The following TTC29 variants were observed in gnomAD, a reference collection of about 807,000 sequenced individuals.
TTC29 encodes the protein tetratricopeptide repeat domain 29, also known as tetratricopeptide repeat protein 29.
In TTC29, 49 loss-of-function variants were observed where a neutral mutation model predicts 58.1. The observed-to-expected ratio is 0.84, with a 90% confidence interval of 0.67 to 1.07. The LOEUF (loss-of-function observed/expected upper bound fraction) is 1.07. Among genes scored for constraint, TTC29 ranks in the 50% least tolerant of loss-of-function variants. The probability of loss-of-function intolerance (pLI) is 0.00; values close to 1 mark genes in which losing one functional copy is unlikely to be tolerated. For synonymous variants in TTC29, 209 were observed against 196.8 expected, an observed-to-expected ratio of 1.06 and a Z score of -0.52; for missense variants, 582 against 555.6, an observed-to-expected ratio of 1.05 and a Z score of -0.48.
intron 11 of TTC29, among the ~76,000 whole-genome samples, chr4:146,710,418 A>T (rs1742398193): frequency 2.0e-5 from 3 of 152,172 alleles, no homozygotes; most frequent in Admixed American, 6.6e-5. Context: ...CTCCATTATA[A>T]ACTTTTAGTA....
At chr4:146,758,085 T>C (rs1307059320) in intron 11 of TTC29, among the ~76,000 whole-genome samples, 1 of 152,168 alleles carries the variant, frequency 6.6e-6, no homozygotes, top group Non-Finnish European at 1.5e-5. Flanking sequence ...AACTATTTGC[T>C]GCCTTCAGGA....
At chr4:146,943,332 GC>G (rs1230420411) in intron 2 of TTC29, among the ~76,000 whole-genome samples, 2 of 151,916 alleles carry the variant, frequency 1.3e-5, no homozygotes, top group African/African-American at 4.8e-5. Context: ...AGTACTGCAA[GC>G]CCTGCTGGCA....
intron 10 of TTC29, among the ~76,000 whole-genome samples, chr4:146,811,750 G>A (rs899430315): frequency 3.3e-5 from 5 of 152,214 alleles, no homozygotes; most frequent in South Asian, 2.1e-4. Context: ...CTCCAAGATC[G>A]GTCAAACTGA....
intron 11 of TTC29, among the ~76,000 whole-genome samples, chr4:146,776,440 GT>G (rs79215075): frequency 0.035 from 4,926 of 142,586 alleles, 124 homozygotes; most frequent in Admixed American, 0.087. Flanking sequence ...TCCTTTGGAT[GT>G]TTTTTTTTTT....
chr4:146,843,782 G>A (rs1299699838), intron 8 of TTC29, among the ~76,000 whole-genome samples: 1 of 152,134 alleles, frequency 6.6e-6, no homozygotes, highest in Non-Finnish European at 1.5e-5. Context: ...CAAAATTCCT[G>A]ATCAATTTAC....
intron 11 of TTC29, among the ~76,000 whole-genome samples, chr4:146,761,683 T>C (rs1746914412): frequency 6.6e-6 from 1 of 151,246 alleles, no homozygotes; most frequent in African/African-American, 2.4e-5. Context: ...TTTTTTTTTT[T>C]TTTGTAGACT....
chr4:146,857,068 T>C (rs115757811), intron 8 of TTC29, among the ~76,000 whole-genome samples: 8,934 of 129,484 alleles, frequency 0.069, 888 homozygotes, highest in African/African-American at 0.24. Context: ...TTTTATACTA[T>C]GCCTTAAGAT....
chr4:146,731,771 T>C (rs1744352444), intron 11 of TTC29, among the ~76,000 whole-genome samples: 1 of 152,164 alleles, frequency 6.6e-6, no homozygotes, highest in African/African-American at 2.4e-5. Flanking sequence ...AAGGAATCCA[T>C]TTGTGCCAAA....
Position 146,786,218 on chromosome 4 carries a change from T to C in TTC29, c.1330+17239A>G, listed in dbSNP as rs17021949. 8.4e-3 allele frequency among the ~76,000 whole-genome samples: 1,279 copies of C among 152,306 alleles called. 12 individuals are homozygous for C. The highest frequency in any genetic ancestry group is 0.03 in the African/African-American group (1,230 of 41,564). ...GTCTTTCTCTTCCTCCAGGGCACCA[T>C]CTTTAGAGGTCGCCTTACCTTGCAG... is the stretch of plus-strand genomic sequence containing the variant. On this transcript the variant is annotated intron_variant, in intron 11 of 12. Transcript: ENST00000325106.
At chr4:146,881,926 A>G (rs182850546) in intron 6 of TTC29, among the ~76,000 whole-genome samples, 151 of 152,248 alleles carry the variant, frequency 9.9e-4, no homozygotes, top group African/African-American at 3.5e-3. Flanking sequence ...GATGAAATAT[A>G]AGATGCTAGT....
At chr4:146,843,337 C>T (rs998997681) in intron 8 of TTC29, among the ~76,000 whole-genome samples, 1 of 152,174 alleles carries the variant, frequency 6.6e-6, no homozygotes, top group Non-Finnish European at 1.5e-5. Flanking sequence ...AAAGTGGTTA[C>T]ATCTTTTGCA....
intron 6 of TTC29, among the ~76,000 whole-genome samples, chr4:146,894,927 T>C (rs1243341212): frequency 6.6e-6 from 1 of 152,158 alleles, no homozygotes; most frequent in African/African-American, 2.4e-5. Context: ...TGGTTTACTG[T>C]ACAGATCATC....
chr4:146,708,330 A>ACATGTATGTGTGTGTG (rs1209174993), intron 11 of TTC29, among the ~76,000 whole-genome samples: 1 of 64,026 alleles, frequency 1.6e-5, no homozygotes, highest in African/African-American at 4.5e-5. Context: ...ATATATATAT[A>ACATGTATGTGTGTGTG]TATATATATA....
At chr4:146,707,588 G>C (rs543637997) in intron 11 of TTC29, 37 bp from the exon 12 acceptor site, 1 of 1,423,020 alleles carries the variant, frequency 7.0e-7, no homozygotes, top group South Asian at 1.2e-5. Flanking sequence ...AGATTATCAT[G>C]AACACAGTTT....
At chr4:146,860,740 C>A (rs1730175846) in intron 8 of TTC29, among the ~76,000 whole-genome samples, 1 of 152,106 alleles carries the variant, frequency 6.6e-6, no homozygotes, top group Admixed American at 6.6e-5. Flanking sequence ...TTGACCACCA[C>A]CAACAAACCG....
intron 11 of TTC29, among the ~76,000 whole-genome samples, chr4:146,755,303 A>C (rs1424693583): frequency 1.3e-5 from 2 of 152,206 alleles, no homozygotes; most frequent in East Asian, 3.8e-4. Flanking sequence ...CTATCTAAGC[A>C]ATATAAAGTT....
At chr4:146,868,600 A>G (rs1165819137) in intron 7 of TTC29, among the ~76,000 whole-genome samples, 2 of 152,146 alleles carry the variant, frequency 1.3e-5, no homozygotes, top group Non-Finnish European at 2.9e-5. Context: ...CAAAATGCGT[A>G]AAGATACAAC....
At chr4:146,709,767 G>T (rs1742346292) in intron 11 of TTC29, among the ~76,000 whole-genome samples, 1 of 152,012 alleles carries the variant, frequency 6.6e-6, no homozygotes, top group African/African-American at 2.4e-5. Flanking sequence ...TTTCTCAGCT[G>T]ATGATTTATT....
At chr4:146,737,963 C>A (rs554991290) in intron 11 of TTC29, among the ~76,000 whole-genome samples, 1 of 152,144 alleles carries the variant, frequency 6.6e-6, no homozygotes, top group Admixed American at 6.5e-5. Flanking sequence ...TTCCTAAGGA[C>A]TGGATGGGGC....
Sources: gnomAD v4.1 joint callset for allele counts (sites outside exome capture counted in the v4.1 genomes callset) on GRCh38, gnomAD v4.1.1 for gene constraint, MANE v1.5 for transcripts, NCBI Gene and HGNC (gene_info 2026-07-23, HGNC 2026-07-21) for gene names.